Variants in GTF3C1 observed in about 807,000 individuals in gnomAD.
GTF3C1 encodes general transcription factor IIIC subunit 1.
A neutral mutation model predicts 226.7 loss-of-function variants in GTF3C1; 57 were observed. The observed-to-expected ratio is 0.25, with a 90% confidence interval of 0.20 to 0.31. The LOEUF is 0.31. Among genes scored for constraint, GTF3C1 ranks in the 10% least tolerant of loss-of-function variants. GTF3C1 has a pLI of 1.00. For missense variants in GTF3C1, 2,217 were observed against 2,776.1 expected (o/e 0.80, Z 4.53); for synonymous variants, 1,090 against 1,084.8 (o/e 1.00, Z -0.09).
At chr16:27,489,820 G>A (rs1462183635) in intron 19 of GTF3C1, 77 bp from the exon 20 acceptor site, 1 of 1,462,368 alleles carries the variant, frequency 6.8e-7, no homozygotes, top group East Asian at 2.3e-5. Context: ...TGGCTGGGTG[G>A]GGAAGAAGAG....
In GTF3C1 at chr16:27,537,825, T is replaced by C; in HGVS notation, c.711A>G (p.Gln237=). The change falls in exon 4 of 37, where the codon CAA becomes CAG. Residue 237 remains glutamine, a synonymous_variant. Transcript: ENST00000356183. The part of the protein sequence containing the change: ...HVIRLPTGAQ[Q]HSILLLLNRF... The stretch of plus-strand genomic sequence containing the variant: ...GGTTCAGTAGGAGGAGGATTGAGTG[T>C]TGCTGGGCTCCAGTGGGTAATCGGA... 1 of 1,612,698 alleles carries C rather than the reference T, an allele frequency of 6.2e-7. No homozygotes were observed. The highest frequency in any genetic ancestry group is 8.5e-7 in the Non-Finnish European group (1 of 1,178,686).
At chr16:27,475,344 T>G (rs1024572788) in intron 29 of GTF3C1, among the ~76,000 whole-genome samples, 15 of 152,248 alleles carry the variant, frequency 9.9e-5, no homozygotes, top group African/African-American at 3.6e-4. Flanking sequence ...TCGGCGGGAT[T>G]AGGAAAGTCC....
chr16:27,483,331 T>C (rs2088085539), intron 25 of GTF3C1: 4 of 668,488 alleles, frequency 6.0e-6, no homozygotes, highest in Non-Finnish European at 1.1e-5. Flanking sequence ...GTTCACACTT[T>C]ACACCTTGGC....
rs1299173735 is a variant in GTF3C1 at position 27,471,157 on chromosome 16, C to CGGGGAAGGAGAATGGTGTGAA, written c.4526+570_4526+590dup. 6.6e-6 allele frequency among the ~76,000 whole-genome samples: 1 copy of CGGGGAAGGAGAATGGTGTGAA among 152,136 alleles called. No individual in the cohort carries two copies. The highest frequency in any genetic ancestry group is 1.5e-5 in the Non-Finnish European group (1 of 68,034). On this transcript the variant is annotated intron_variant, in intron 30 of 36. Coordinates refer to ENST00000356183, the MANE Select transcript of GTF3C1 (RefSeq NM_001520.4). This position sits in a 1 kb window ranked among gnomAD's most constrained non-coding sequence, Gnocchi z 5.0. ...CTGCAGCCCCGTGCAGACCTGAGTG[C>CGGGGAAGGAGAATGGTGTGAA]GGGGAAGGAGAATGGTGTGAAGGGG...
rs554219219 is a variant in GTF3C1 at position 27,463,457 on chromosome 16, C to T, written c.5924+84G>A. ...CAGAGCTGGTACCTGGGGAAAGACC[C>T]TCAAAGACCCTCACACAAATCCTTA... is the stretch of plus-strand genomic sequence containing the variant. On this transcript the variant is annotated intron_variant, in intron 35 of 36. Coordinates refer to ENST00000356183, the MANE Select transcript of GTF3C1 (RefSeq NM_001520.4). The surrounding 1 kb of genome is among the most constrained non-coding windows in gnomAD (Gnocchi z 4.9). 5.5e-5 allele frequency: 45 copies of T among 816,988 alleles called. No individual in the cohort carries two copies. In the South Asian group the frequency reaches 5.7e-4, roughly 10 times the overall value. The allele number at this position is 816,988 out of a possible 1,614,324, so 50.6% of individuals were successfully genotyped here. A position where few individuals can be genotyped will look rare whatever the true frequency, so the allele number is the denominator to read the frequency against.
intron 6 of GTF3C1, among the ~76,000 whole-genome samples, chr16:27,523,362 T>A (rs1486137329): frequency 3.9e-5 from 6 of 152,092 alleles, no homozygotes; most frequent in African/African-American, 1.2e-4. Flanking sequence ...AAATCCAAAT[T>A]CGTTAAGGAG....
intron 6 of GTF3C1, among the ~76,000 whole-genome samples, chr16:27,522,796 G>A (rs576657263): frequency 3.9e-5 from 6 of 152,240 alleles, no homozygotes; most frequent in African/African-American, 9.6e-5. Flanking sequence ...TTTTCACAGC[G>A]TATATGTTTT....
At chr16:27,508,705 T>G in intron 7 of GTF3C1, 50 bp from the exon 8 acceptor site, 2 of 1,355,578 alleles carry the variant, frequency 1.5e-6, no homozygotes, top group Non-Finnish European at 2.1e-6. Flanking sequence ...GGAGCTGTTC[T>G]GCACAAGTCA....
chr16:27,462,653 G>GAC lies in GTF3C1; in HGVS notation c.5925-169_5925-168dup. ...AAACTCCCTGCTTCTCTCCTGTCTG[G>GAC]ACAGAGGGGCCCTTGACCGCCAGCT... On this transcript the variant is annotated intron_variant, in intron 35 of 36. Transcript: ENST00000356183. This position sits in a 1 kb window ranked among gnomAD's most constrained non-coding sequence, Gnocchi z 4.5. The GAC allele has an allele frequency of 1.7e-6, 1 of 599,224 alleles. No homozygotes were observed. Among genetic ancestry groups the GAC allele is most frequent in the South Asian group, 2.1e-5 (1 of 48,736 alleles). The allele number at this position is 599,224 out of a possible 1,614,324, so 37.1% of individuals were successfully genotyped here.
rs767607582 is a variant in GTF3C1, at chr16:27,489,579, C to T, written c.3293+23G>A. On this transcript the variant is annotated intron_variant, in intron 20 of 36. Coordinates refer to ENST00000356183, the MANE Select transcript of GTF3C1 (RefSeq NM_001520.4). ...ACCACCGCAGCCCAGTCCTGGCCGG[C>T]CGCGCTTGGGACGGACACGCACGTG... is the stretch of plus-strand genomic sequence containing the variant. The T allele has an allele frequency of 1.2e-5, 19 of 1,584,736 alleles. No homozygotes were observed. The Admixed American group carries it at 3.1e-4, about 26-fold the overall frequency.
intron 2 of GTF3C1, among the ~76,000 whole-genome samples, chr16:27,541,284 T>C (rs577616545): frequency 6.6e-6 from 1 of 151,874 alleles, no homozygotes; most frequent in Non-Finnish European, 1.5e-5. Flanking sequence ...AAGTCTGGAG[T>C]GTGGTAGCCA....
At chr16:27,508,329 T>A (rs1286761939) in intron 8 of GTF3C1, among the ~76,000 whole-genome samples, 1 of 152,192 alleles carries the variant, frequency 6.6e-6, no homozygotes, top group Non-Finnish European at 1.5e-5. Flanking sequence ...AGCTGACAAG[T>A]CATTCAATTC....
In GTF3C1 at chr16:27,461,527, C is replaced by T; in HGVS notation, c.6153G>A (p.Trp2051Ter). Residue 2051 changes from tryptophan (W) to a stop codon, truncating the protein, a stop_gained, in exon 37 of 37, where the codon TGG becomes TGA. Transcript: ENST00000356183. LOFTEE classifies it low-confidence loss of function (END_TRUNC). The surrounding 1 kb of genome is among the most constrained non-coding windows in gnomAD (Gnocchi z 5.3). The part of the protein sequence containing the change: ...LESLGCIRKR[W>*]LRKPRPVSLF... Reference sequence around the variant, plus strand: ...GCGAGACAGGCCTTGGCTTTCTCAGCCAGCGCTTCCGGATGCAGCCGAGGG... The same window carrying T: ...GCGAGACAGGCCTTGGCTTTCTCAGTCAGCGCTTCCGGATGCAGCCGAGGG... 1 of 1,613,882 alleles carries T rather than the reference C, an allele frequency of 6.2e-7. No individual in the cohort carries two copies. The highest frequency in any genetic ancestry group is 8.5e-7 in the Non-Finnish European group (1 of 1,179,978).
intron 5 of GTF3C1, among the ~76,000 whole-genome samples, chr16:27,532,992 C>T (rs1016244055): frequency 2.0e-5 from 3 of 152,004 alleles, no homozygotes; most frequent in Admixed American, 1.3e-4. Flanking sequence ...ATTAGCAGGG[C>T]GTGGTGGCGG....
chr16:27,472,990 C>T (rs2087898159), intron 29 of GTF3C1, among the ~76,000 whole-genome samples: 2 of 152,164 alleles, frequency 1.3e-5, no homozygotes, highest in South Asian at 4.1e-4. Context: ...CAACATAGCT[C>T]ACTGCAGCCT....
intron 4 of GTF3C1, among the ~76,000 whole-genome samples, 166 bp from the exon 5 acceptor site, chr16:27,533,553 C>T (rs1243979905): frequency 6.6e-6 from 1 of 152,228 alleles, no homozygotes; most frequent in Non-Finnish European, 1.5e-5. Flanking sequence ...CTACCTTCTA[C>T]AGGTGGAGAG....
chr16:27,528,484 G>T, intron 6 of GTF3C1, 114 bp downstream of exon 6: 1 of 824,546 alleles, frequency 1.2e-6, no homozygotes, highest in Non-Finnish European at 2.0e-6. Flanking sequence ...AAATAAATAT[G>T]TGAAATCATT....
At chr16:27,518,951 G>A (rs1048236476) in intron 6 of GTF3C1, among the ~76,000 whole-genome samples, 1 of 152,198 alleles carries the variant, frequency 6.6e-6, no homozygotes, top group Non-Finnish European at 1.5e-5. Flanking sequence ...GGCACTCAAC[G>A]CATGCTCTCT....
intron 27 of GTF3C1, chr16:27,480,571 A>G (rs2088028927): frequency 6.4e-6 from 1 of 156,490 alleles, no homozygotes; most frequent in African/African-American, 2.4e-5. Flanking sequence ...CAGTGGCTCG[A>G]GGGACTTTTT....
Sources: allele counts gnomAD v4.1 joint callset (sites outside exome capture counted in the v4.1 genomes callset), GRCh38; gene constraint gnomAD v4.1.1; non-coding constraint Gnocchi (gnomAD v3.1); transcripts MANE v1.5; gene names NCBI Gene and HGNC (gene_info 2026-07-23, HGNC 2026-07-21).